Variants in ATG10 observed in about 807,000 individuals in gnomAD.
The protein encoded by ATG10 is ubiquitin-like-conjugating enzyme ATG10.
In ATG10, 30 loss-of-function variants were observed where a neutral mutation model predicts 32.1. The observed-to-expected ratio is 0.94, with a 90% CI of 0.70 to 1.27. ATG10 has a LOEUF of 1.27. Among genes scored for constraint, ATG10 ranks in the 50% most tolerant of loss-of-function variants. ATG10 has a pLI of 0.00. For synonymous variants in ATG10, 87 were observed against 91.5 expected (o/e 0.95, Z 0.28); for missense variants, 233 against 262.3 (o/e 0.89, Z 0.77).
chr5:82,055,752 T>G (rs1449662434), intron 2 of ATG10, among the ~76,000 whole-genome samples: 1 of 152,244 alleles, frequency 6.6e-6, no homozygotes, highest in Non-Finnish European at 1.5e-5. Context: ...CGTATAGTCA[T>G]GCTGCATAAT....
At chr5:81,989,414 G>A (rs1761387699) in intron 2 of ATG10, among the ~76,000 whole-genome samples, 1 of 152,048 alleles carries the variant, frequency 6.6e-6, no homozygotes, top group Non-Finnish European at 1.5e-5. Flanking sequence ...TTGACAGGGT[G>A]GTTTATGCAT....
chr5:82,170,644 A>G (rs1361801220), intron 4 of ATG10, among the ~76,000 whole-genome samples: 1 of 152,130 alleles, frequency 6.6e-6, no homozygotes, highest in Non-Finnish European at 1.5e-5. Flanking sequence ...TACTTTGGAT[A>G]GGATTGAAAA....
chr5:82,252,637 A>G lies in ATG10; in HGVS notation c.529A>G (p.Lys177Glu). Reference protein sequence around the residue: ...KTNEFMTPVLKNSQKINKNVN... With the variant: ...KTNEFMTPVLENSQKINKNVN... ...GAATGAATTCATGACTCCTGTATTAAAGAATTCTCAGAAAATCAATAAGTA... is the reference window on the plus strand; with the variant it reads ...GAATGAATTCATGACTCCTGTATTAGAGAATTCTCAGAAAATCAATAAGTA... The change falls in exon 6 of 8, where the codon AAG (lysine) becomes GAG (glutamate). Residue 177 changes from lysine (K) to glutamate (E), a missense_variant. By Grantham distance (56) the Lys-to-Glu change is moderately conservative (BLOSUM62 1). Transcript: ENST00000282185. The G allele has an allele frequency of 6.3e-7, 1 of 1,593,278 alleles. No homozygotes were observed. Among genetic ancestry groups the G allele is most frequent in the Non-Finnish European group, 8.6e-7 (1 of 1,169,398 alleles).
intron 3 of ATG10, among the ~76,000 whole-genome samples, chr5:82,080,018 C>A (rs1216918143): frequency 6.6e-6 from 1 of 152,210 alleles, no homozygotes; most frequent in Non-Finnish European, 1.5e-5. Flanking sequence ...CATATCCTCT[C>A]CAGCACCTGT....
intron 4 of ATG10, among the ~76,000 whole-genome samples, chr5:82,165,700 C>A (rs534749931): frequency 1.3e-5 from 2 of 152,146 alleles, no homozygotes; most frequent in Non-Finnish European, 2.9e-5. Flanking sequence ...TTAAAACACT[C>A]ATTTTATGGT....
chr5:82,021,908 A>T (rs1762449996), intron 2 of ATG10, among the ~76,000 whole-genome samples: 1 of 152,062 alleles, frequency 6.6e-6, no homozygotes, highest in African/African-American at 2.4e-5. Flanking sequence ...CTGTAGTCCC[A>T]GCTACTCAGG....
intron 3 of ATG10, among the ~76,000 whole-genome samples, chr5:82,115,919 G>A (rs1297608634): frequency 6.6e-6 from 1 of 152,094 alleles, no homozygotes; most frequent in African/African-American, 2.4e-5. Context: ...GCAAGGGCAA[G>A]CTCCTAAGAG....
At chr5:82,233,378 GTTAAT>G (rs966515117) in intron 5 of ATG10, among the ~76,000 whole-genome samples, 2 of 152,100 alleles carry the variant, frequency 1.3e-5, no homozygotes, top group African/African-American at 4.8e-5. Context: ...TCTATTATCT[GTTAAT>G]TTAAACTGAA....
chr5:82,166,300 A>C, intron 4 of ATG10, among the ~76,000 whole-genome samples: 1 of 152,172 alleles, frequency 6.6e-6, no homozygotes, highest in East Asian at 1.9e-4. Flanking sequence ...AAACCAAAAC[A>C]AGTCATTTGT....
At chr5:82,064,301 A>G (rs1763874456) in intron 3 of ATG10, among the ~76,000 whole-genome samples, 1 of 152,214 alleles carries the variant, frequency 6.6e-6, no homozygotes, top group Admixed American at 6.5e-5. Context: ...TAGGTAAAAT[A>G]CATCATCTTT....
intron 5 of ATG10, among the ~76,000 whole-genome samples, chr5:82,181,227 G>A (rs1031754303): frequency 4.6e-5 from 7 of 152,052 alleles, no homozygotes; most frequent in Non-Finnish European, 7.4e-5. Flanking sequence ...GTGGTCCTTT[G>A]GAATTGATCT....
chr5:81,979,266 A>G (rs2149653630), intron 1 of ATG10, among the ~76,000 whole-genome samples: 1 of 150,758 alleles, frequency 6.6e-6, no homozygotes. Context: ...GGTGGCTCAC[A>G]CCTGTAATCC....
Position 82,157,931 on chromosome 5 carries a change from C to T in ATG10, c.217-6468C>T, listed in dbSNP as rs539531813. On this transcript the variant is annotated intron_variant, in intron 3 of 7. Coordinates refer to ENST00000282185, the MANE Select transcript of ATG10 (RefSeq NM_031482.5). ...TGTTATGAATAAAGCTCATTACTTA[C>T]GTTTGCTCAGTAATAGTAATACAGA... 1.1e-4 allele frequency among the ~76,000 whole-genome samples: 17 copies of T among 152,272 alleles called. No homozygotes were observed. The South Asian group carries it at 1.2e-3, about 11-fold the overall frequency.
intron 3 of ATG10, among the ~76,000 whole-genome samples, chr5:82,072,253 G>C (rs150212284): frequency 1.3e-3 from 194 of 152,232 alleles, no homozygotes; most frequent in African/African-American, 4.3e-3. Flanking sequence ...TATTCTTTGT[G>C]CTAGTCTCTT....
chr5:82,249,698 G>C (rs1747166675), intron 5 of ATG10, among the ~76,000 whole-genome samples: 1 of 152,174 alleles, frequency 6.6e-6, no homozygotes. Context: ...AGCAGGACTT[G>C]ATCTCAAACA....
chr5:81,975,855 TTAAAC>T (rs1760857613), intron 1 of ATG10, among the ~76,000 whole-genome samples: 1 of 151,968 alleles, frequency 6.6e-6, no homozygotes, highest in South Asian at 2.1e-4. Context: ...TTGAGGTAGC[TTAAAC>T]TATATAATAT....
intron 3 of ATG10, among the ~76,000 whole-genome samples, chr5:82,081,125 T>C (rs1478469370): frequency 6.6e-6 from 1 of 152,222 alleles, no homozygotes; most frequent in African/African-American, 2.4e-5. Context: ...TTTGAAGCAA[T>C]TGTGAATGGG....
intron 3 of ATG10, among the ~76,000 whole-genome samples, chr5:82,083,178 A>T (rs1224366593): frequency 6.6e-6 from 1 of 152,164 alleles, no homozygotes; most frequent in East Asian, 1.9e-4. Context: ...ACACCAGGAG[A>T]TTATATCCTG....
At chr5:82,165,633 A>G (rs1743543486) in intron 4 of ATG10, among the ~76,000 whole-genome samples, 1 of 152,238 alleles carries the variant, frequency 6.6e-6, no homozygotes, top group Non-Finnish European at 1.5e-5. Flanking sequence ...GGACACTGAT[A>G]GTTCACTAAT....
Sources: gnomAD v4.1 joint callset for allele counts (sites outside exome capture counted in the v4.1 genomes callset) on GRCh38, gnomAD v4.1.1 for gene constraint, MANE v1.5 for transcripts, NCBI Gene and HGNC (gene_info 2026-07-23, HGNC 2026-07-21) for gene names.